Variants in SLC30A8 observed in about 807,000 individuals in gnomAD.
The protein encoded by SLC30A8 is solute carrier family 30 member 8.
In SLC30A8, 27 loss-of-function variants were observed where a neutral mutation model predicts 36.9. The ratio of observed to expected loss-of-function variants is 0.73; its 90% CI spans 0.54 to 1.01. The LOEUF (loss-of-function observed/expected upper bound fraction) is 1.01. SLC30A8 is among the 50% of genes least tolerant of loss of function. The pLI is 0.00. For missense variants in SLC30A8, 439 were observed against 452.0 expected (o/e 0.97, Z 0.26); for synonymous variants, 164 against 172.4 (o/e 0.95, Z 0.38).
At chr8:117,160,295 C>T (rs1442316897) in intron 4 of SLC30A8, among the ~76,000 whole-genome samples, 1 of 152,190 alleles carries the variant, frequency 6.6e-6, no homozygotes, top group Non-Finnish European at 1.5e-5. Context: ...TTAACTCTAG[C>T]TTAAGCTTTT....
intron 2 of SLC30A8, among the ~76,000 whole-genome samples, chr8:117,103,300 C>A (rs1401480217): frequency 6.6e-6 from 1 of 151,986 alleles, no homozygotes; most frequent in South Asian, 2.1e-4. Flanking sequence ...TGCAACCCAG[C>A]AAGACAAGCA....
intron 1 of SLC30A8, among the ~76,000 whole-genome samples, chr8:116,969,342 C>T (rs528971418): frequency 2.0e-4 from 31 of 152,082 alleles, no homozygotes; most frequent in Non-Finnish European, 3.5e-4. Context: ...CACTTGAACC[C>T]GGGAGGTGGA....
At chr8:116,966,448 G>A (rs923968328) in intron 1 of SLC30A8, among the ~76,000 whole-genome samples, 1 of 151,956 alleles carries the variant, frequency 6.6e-6, no homozygotes, top group African/African-American at 2.4e-5. Flanking sequence ...AGTTCACCCA[G>A]CCCTATGAGA....
At chr8:117,005,706 AT>A (rs1465440166) in intron 1 of SLC30A8, among the ~76,000 whole-genome samples, 7 of 152,286 alleles carry the variant, frequency 4.6e-5, no homozygotes, top group Admixed American at 2.6e-4. Flanking sequence ...CAAAATAGCT[AT>A]TTATCATCAT....
intron 1 of SLC30A8, among the ~76,000 whole-genome samples, chr8:117,142,250 A>T (rs557863004): frequency 6.6e-6 from 1 of 152,194 alleles, no homozygotes; most frequent in East Asian, 1.9e-4. Flanking sequence ...TCCCTCAAAT[A>T]TGACTACTTC....
intron 1 of SLC30A8, among the ~76,000 whole-genome samples, chr8:117,026,640 C>G (rs1396448459): frequency 6.6e-6 from 1 of 152,112 alleles, no homozygotes; most frequent in Non-Finnish European, 1.5e-5. Flanking sequence ...TGGTGCTCAC[C>G]CTTCCTAAAT....
chr8:117,098,321 A>G (rs906780948), intron 2 of SLC30A8, among the ~76,000 whole-genome samples: 2 of 151,978 alleles, frequency 1.3e-5, no homozygotes, highest in African/African-American at 4.8e-5. Context: ...CATTCTGATC[A>G]ATCAGTATAA....
intron 1 of SLC30A8, among the ~76,000 whole-genome samples, chr8:116,981,418 TAA>T: frequency 6.6e-6 from 1 of 152,316 alleles, no homozygotes; most frequent in Admixed American, 6.5e-5. Flanking sequence ...TTATTTTTTT[TAA>T]AGTTATATTT....
chr8:116,978,566 C>T (rs1399211512), intron 1 of SLC30A8, among the ~76,000 whole-genome samples: 5 of 152,146 alleles, frequency 3.3e-5, no homozygotes, highest in African/African-American at 4.8e-5. Context: ...TTATTGCTTG[C>T]TCTTTTTTTC....
intron 1 of SLC30A8, among the ~76,000 whole-genome samples, chr8:116,969,122 C>T (rs1368975466): frequency 6.6e-6 from 1 of 152,100 alleles, no homozygotes; most frequent in Non-Finnish European, 1.5e-5. Context: ...GTGTTACTTG[C>T]TGTAAGAACT....
intron 1 of SLC30A8, among the ~76,000 whole-genome samples, chr8:116,961,919 A>G (rs1417138851): frequency 6.6e-6 from 1 of 151,888 alleles, no homozygotes; most frequent in Non-Finnish European, 1.5e-5. Context: ...CATGACCTAA[A>G]CGCCTTCTAG....
chr8:117,063,676 G>A (rs1018527800), intron 2 of SLC30A8, among the ~76,000 whole-genome samples: 7 of 152,204 alleles, frequency 4.6e-5, no homozygotes, highest in Admixed American at 3.9e-4. Flanking sequence ...TCTACCTTGA[G>A]AAGGAGAAGC....
At chr8:117,062,515 C>T (rs760176744) in intron 2 of SLC30A8, among the ~76,000 whole-genome samples, 2 of 152,128 alleles carry the variant, frequency 1.3e-5, no homozygotes, top group African/African-American at 2.4e-5. Flanking sequence ...AAGGCAAGGG[C>T]GCTAAGCCAT....
chr8:116,975,023 G>A, intron 1 of SLC30A8, among the ~76,000 whole-genome samples: 1 of 124,020 alleles, frequency 8.1e-6, no homozygotes, highest in African/African-American at 3.0e-5. Flanking sequence ...ATCACACACT[G>A]GGGCCTGTTG....
intron 2 of SLC30A8, among the ~76,000 whole-genome samples, chr8:117,080,472 G>T (rs1343019395): frequency 2.6e-5 from 4 of 152,078 alleles, no homozygotes; most frequent in African/African-American, 9.7e-5. Context: ...ATAGTGAGAA[G>T]CCCTTGCCCC....
chr8:116,964,123 C>T (rs1449477340), intron 1 of SLC30A8, among the ~76,000 whole-genome samples: 2 of 152,128 alleles, frequency 1.3e-5, no homozygotes, highest in Admixed American at 1.3e-4. Flanking sequence ...CTTTTACAAT[C>T]TTATAAGACC....
intron 6 of SLC30A8, among the ~76,000 whole-genome samples, chr8:117,166,489 G>A (rs1209474695): frequency 1.3e-5 from 2 of 152,092 alleles, no homozygotes; most frequent in Non-Finnish European, 2.9e-5. Flanking sequence ...TCACGTGGAG[G>A]GTTTATTGAA....
intron 1 of SLC30A8, among the ~76,000 whole-genome samples, chr8:117,142,236 A>G (rs1821686914): frequency 6.6e-6 from 1 of 152,088 alleles, no homozygotes; most frequent in South Asian, 2.1e-4. Context: ...CCACCTCCCA[A>G]AAGTCCCTCA....
intron 1 of SLC30A8, among the ~76,000 whole-genome samples, chr8:117,135,666 C>G (rs746055289): frequency 3.3e-5 from 5 of 151,704 alleles, no homozygotes; most frequent in Non-Finnish European, 7.4e-5. Context: ...GAAAATAGAC[C>G]TATATAATCT....
Sources: gnomAD v4.1 joint callset for allele counts (sites outside exome capture counted in the v4.1 genomes callset) on GRCh38, gnomAD v4.1.1 for gene constraint, MANE v1.5 for transcripts, NCBI Gene and HGNC (gene_info 2026-07-23, HGNC 2026-07-21) for gene names.